IFT43: variants seen among roughly 807,000 people sequenced by gnomAD.
IFT43 encodes intraflagellar transport protein 43 homolog.
In IFT43, 33 loss-of-function variants were observed where a neutral mutation model predicts 32.3. That is an observed-to-expected ratio of 1.02 (90% CI 0.77 to 1.37). The LOEUF is 1.37. Ranked by LOEUF, IFT43 falls within the 40% of genes most tolerant of loss-of-function variation. The probability of loss-of-function intolerance (pLI) is 0.00; values close to 1 mark genes in which losing one functional copy is unlikely to be tolerated. For synonymous variants in IFT43, 93 were observed against 98.2 expected (o/e 0.95, Z 0.31); for missense variants, 274 against 265.9 (o/e 1.03, Z -0.21).
At chr14:75,994,795 A>G (rs1333753859) in intron 2 of IFT43, among the ~76,000 whole-genome samples, 1 of 152,240 alleles carries the variant, frequency 6.6e-6, no homozygotes. Context: ...GAGTTAAACC[A>G]GATTTCTCTG....
At chr14:76,022,922 C>A (rs192350650) in intron 3 of IFT43, among the ~76,000 whole-genome samples, 45 of 152,330 alleles carry the variant, frequency 3.0e-4, no homozygotes, top group Non-Finnish European at 4.9e-4. Flanking sequence ...AGTCATCATT[C>A]ATAAAGGGGA....
chr14:76,067,698 A>G (rs1436050898), intron 5 of IFT43, among the ~76,000 whole-genome samples: 2 of 152,162 alleles, frequency 1.3e-5, no homozygotes, highest in Admixed American at 6.5e-5. Flanking sequence ...AATGTACTAT[A>G]TGGGAACTAT....
At chr14:76,005,377 G>A (rs146245541) in intron 2 of IFT43, among the ~76,000 whole-genome samples, 10 of 152,256 alleles carry the variant, frequency 6.6e-5, no homozygotes, top group African/African-American at 1.2e-4. Flanking sequence ...ATGGCTCTTC[G>A]GGGATTTCGG....
intron 3 of IFT43, among the ~76,000 whole-genome samples, chr14:76,029,703 A>G (rs1020311075): frequency 1.3e-5 from 2 of 152,236 alleles, no homozygotes; most frequent in East Asian, 1.9e-4. Context: ...TCCCAGCACC[A>G]TTTATTGAAT....
At chr14:76,043,549 C>T (rs2036747585) in intron 3 of IFT43, among the ~76,000 whole-genome samples, 1 of 152,160 alleles carries the variant, frequency 6.6e-6, no homozygotes, top group Non-Finnish European at 1.5e-5. Context: ...TCACTGCAGC[C>T]ACTGCCTCCC....
intron 5 of IFT43, among the ~76,000 whole-genome samples, chr14:76,067,068 T>C (rs1479783240): frequency 6.6e-6 from 1 of 152,204 alleles, no homozygotes; most frequent in Non-Finnish European, 1.5e-5. Flanking sequence ...CTTTCGGTCT[T>C]TCATAGACAA....
chr14:76,076,678 A>C, intron 5 of IFT43: 1 of 1,614,190 alleles, frequency 6.2e-7, no homozygotes, highest in Non-Finnish European at 8.5e-7. Context: ...GGCTGGCTTC[A>C]TTGGAAGAGG....
chr14:76,051,712 A>AT (rs1311915282), intron 3 of IFT43, among the ~76,000 whole-genome samples: 1 of 151,988 alleles, frequency 6.6e-6, no homozygotes, highest in Non-Finnish European at 1.5e-5. Context: ...TGGCATTTTG[A>AT]TTTTTTTTCC....
chr14:76,007,860 A>G (rs1454905369), intron 2 of IFT43, among the ~76,000 whole-genome samples: 2 of 152,144 alleles, frequency 1.3e-5, no homozygotes, highest in East Asian at 3.9e-4. Context: ...GATGACCCAA[A>G]AGGATGTAAT....
intron 5 of IFT43, among the ~76,000 whole-genome samples, chr14:76,066,432 A>G (rs753915208): frequency 6.6e-6 from 1 of 152,200 alleles, no homozygotes; most frequent in Non-Finnish European, 1.5e-5. Flanking sequence ...CATATGTTAC[A>G]CTTCACACTC....
At chr14:76,053,179 G>A (rs976217127) in intron 3 of IFT43, among the ~76,000 whole-genome samples, 2 of 152,140 alleles carry the variant, frequency 1.3e-5, no homozygotes, top group Non-Finnish European at 2.9e-5. Context: ...TTGTATAATA[G>A]TATTATAAAT....
intron 2 of IFT43, among the ~76,000 whole-genome samples, chr14:76,014,453 G>C (rs901913946): frequency 1.3e-5 from 2 of 152,154 alleles, no homozygotes; most frequent in African/African-American, 4.8e-5. Flanking sequence ...CTGCATTGTA[G>C]AGTAATGAAT....
At chr14:76,083,192 T>A (rs1388943905) in intron 7 of IFT43, 35 bp from the exon 8 acceptor site, 1 of 1,613,934 alleles carries the variant, frequency 6.2e-7, no homozygotes, top group South Asian at 1.1e-5. Context: ...GCCCTCAAGG[T>A]GCTCAGCCTG....
chr14:76,018,828 A>G lies in IFT43; in HGVS notation c.148-3499A>G, dbSNP rs2139946638. On this transcript the variant is annotated intron_variant, in intron 2 of 8. Coordinates refer to ENST00000314067, the MANE Select transcript of IFT43 (RefSeq NM_001102564.3). Reference sequence around the variant, plus strand: ...ACTTAAAGTCTGTGTTATCTCATGTAAGTATAGCTTCTCCTGCTTGCTTTG... The same window carrying G: ...ACTTAAAGTCTGTGTTATCTCATGTGAGTATAGCTTCTCCTGCTTGCTTTG... Among the ~76,000 whole-genome samples, 4 of 152,106 alleles carry G rather than the reference A, an allele frequency of 2.6e-5. No homozygotes were observed. In the Middle Eastern group the frequency reaches 0.014, roughly 517 times the overall value.
At chr14:76,059,509 A>G (rs908959707) in intron 5 of IFT43, 136 bp downstream of exon 5, 1 of 810,710 alleles carries the variant, frequency 1.2e-6, no homozygotes, top group Non-Finnish European at 2.1e-6. Context: ...GCTGATGCAC[A>G]TCTTCATGCC....
intron 3 of IFT43, among the ~76,000 whole-genome samples, chr14:76,054,132 A>T (rs1481428254): frequency 6.6e-6 from 1 of 152,198 alleles, no homozygotes; most frequent in Non-Finnish European, 1.5e-5. Flanking sequence ...TGTCTACGTG[A>T]CTAGGTCCCA....
At chr14:76,018,835 G>A (rs988221965) in intron 2 of IFT43, among the ~76,000 whole-genome samples, 1 of 151,894 alleles carries the variant, frequency 6.6e-6, no homozygotes, top group Non-Finnish European at 1.5e-5. Context: ...TGTAAGTATA[G>A]CTTCTCCTGC....
intron 2 of IFT43, among the ~76,000 whole-genome samples, chr14:75,992,050 G>A (rs191760735): frequency 3.3e-5 from 5 of 152,290 alleles, no homozygotes; most frequent in Admixed American, 2.6e-4. Context: ...CCATGCAAAC[G>A]TAAATATGGT....
Position 76,071,825 on chromosome 14 carries a change from T to G in IFT43, c.296-10470T>G, listed in dbSNP as rs554443076. On this transcript the variant is annotated intron_variant, in intron 5 of 8. Coordinates refer to ENST00000314067, the MANE Select transcript of IFT43 (RefSeq NM_001102564.3). ...AATTCCTAAGAATTTAGCGAGTGGC[T>G]CTTTGGGGCTGGTGCGAGCTGCTCC... 2.0e-5 allele frequency among the ~76,000 whole-genome samples: 3 copies of G among 152,136 alleles called. No homozygotes were observed. In the East Asian group the frequency reaches 5.8e-4, roughly 29 times the overall value.
Sources: allele counts gnomAD v4.1 joint callset (sites outside exome capture counted in the v4.1 genomes callset), GRCh38; gene constraint gnomAD v4.1.1; transcripts MANE v1.5; gene names NCBI Gene and HGNC (gene_info 2026-07-23, HGNC 2026-07-21).